The following ADGRL2 variants were observed in gnomAD, a reference collection of about 807,000 sequenced individuals.
The protein encoded by ADGRL2 is calcium-independent alpha-latrotoxin receptor 2.
ADGRL2 carries 44 observed loss-of-function variants against 157.4 expected under a neutral mutation model. That is an observed-to-expected ratio of 0.28 (90% CI 0.22 to 0.36). ADGRL2 has a LOEUF of 0.36. ADGRL2 is among the 10% of genes least tolerant of loss of function. The pLI is 1.00. For synonymous variants in ADGRL2, 585 were observed against 624.7 expected, an observed-to-expected ratio of 0.94 and a Z score of 0.95; for missense variants, 1,510 against 1,768.9, an observed-to-expected ratio of 0.85 and a Z score of 2.63.
intron 2 of ADGRL2, among the ~76,000 whole-genome samples, chr1:81,496,752 A>C (rs182225961): frequency 6.6e-6 from 1 of 152,330 alleles, no homozygotes; most frequent in Non-Finnish European, 1.5e-5. Flanking sequence ...AGAGATTAGA[A>C]ATGAGCTTAA....
At chr1:81,677,525 T>C (rs1182270607) in intron 3 of ADGRL2, among the ~76,000 whole-genome samples, 1 of 152,212 alleles carries the variant, frequency 6.6e-6, no homozygotes, top group Admixed American at 6.5e-5. Flanking sequence ...TATTTTCCCT[T>C]AGAAGCATCA....
intron 2 of ADGRL2, among the ~76,000 whole-genome samples, chr1:81,474,131 G>A (rs1261507576): frequency 1.3e-5 from 2 of 152,224 alleles, no homozygotes; most frequent in African/African-American, 4.8e-5. Flanking sequence ...CTTCGAATTG[G>A]ATATGAAATG....
intron 1 of ADGRL2, among the ~76,000 whole-genome samples, chr1:81,333,259 A>G (rs2100709146): frequency 6.6e-6 from 1 of 152,158 alleles, no homozygotes; most frequent in Middle Eastern, 3.4e-3. Flanking sequence ...CTGCTCTCCT[A>G]CTTAGAGAAA....
chr1:81,948,542 T>C (rs1008059417), intron 6 of ADGRL2, among the ~76,000 whole-genome samples: 21 of 152,194 alleles, frequency 1.4e-4, no homozygotes. Context: ...CTTTAAGACT[T>C]GATTCAGCAG....
intron 1 of ADGRL2, among the ~76,000 whole-genome samples, chr1:81,725,239 C>T (rs2084481497): frequency 1.4e-5 from 2 of 147,280 alleles, no homozygotes; most frequent in African/African-American, 2.5e-5. Context: ...AAACACTCAC[C>T]ACATAAACTT....
At chr1:81,644,740 T>A (rs895121655) in intron 3 of ADGRL2, among the ~76,000 whole-genome samples, 13 of 152,324 alleles carry the variant, frequency 8.5e-5, no homozygotes, top group African/African-American at 2.6e-4. Context: ...GTTCATCAGT[T>A]GTAACAAATG....
rs2082345413 is a variant in ADGRL2 at position 81,647,943 on chromosome 1, C to A, written c.-143+66963C>A. ...CCCTGCTTTGGGGTAAAATTGCAGC[C>A]ACTGATCTATAATTCAGCTCTGACT... On this transcript the variant is annotated intron_variant, in intron 3 of 24. Transcript: ENST00000370721. Among the ~76,000 whole-genome samples the A allele has an allele frequency of 2.0e-5, 3 of 152,138 alleles. 1 individual carries two copies. The South Asian group carries it at 6.2e-4, about 32-fold the overall frequency.
chr1:81,830,132 T>A (rs574334418), intron 1 of ADGRL2, among the ~76,000 whole-genome samples: 71 of 152,214 alleles, frequency 4.7e-4, no homozygotes, highest in Non-Finnish European at 8.8e-4. Context: ...TCTCATAAGA[T>A]TATTAATTTC....
At chr1:81,607,416 A>C (rs187689158) in intron 3 of ADGRL2, among the ~76,000 whole-genome samples, 1 of 152,298 alleles carries the variant, frequency 6.6e-6, no homozygotes, top group Admixed American at 6.5e-5. Context: ...GTGATAAAGA[A>C]AGTTACAATA....
chr1:81,308,155 C>T (rs1659483545), intron 1 of ADGRL2, among the ~76,000 whole-genome samples: 1 of 151,986 alleles, frequency 6.6e-6, no homozygotes, highest in Non-Finnish European at 1.5e-5. Flanking sequence ...TTATTTATTA[C>T]ACAGTAATTA....
intron 1 of ADGRL2, among the ~76,000 whole-genome samples, chr1:81,744,957 C>T (rs2085195833): frequency 6.6e-6 from 1 of 152,044 alleles, no homozygotes; most frequent in Admixed American, 6.6e-5. Context: ...GTTCCAAGCA[C>T]AGAAGGAAAT....
At chr1:81,342,909 T>C (rs1342152525) in intron 1 of ADGRL2, among the ~76,000 whole-genome samples, 1 of 152,032 alleles carries the variant, frequency 6.6e-6, no homozygotes, top group African/African-American at 2.4e-5. Context: ...TTTTCCAAAC[T>C]GCACTCTGTG....
At chr1:81,426,498 C>A (rs749275578) in intron 1 of ADGRL2, 6 of 399,282 alleles carry the variant, frequency 1.5e-5, no homozygotes, top group Non-Finnish European at 2.9e-5. Flanking sequence ...AGCCCAATTC[C>A]AGCTGTGACC....
chr1:81,445,596 T>G (rs1255682389), intron 2 of ADGRL2, among the ~76,000 whole-genome samples: 1 of 152,222 alleles, frequency 6.6e-6, no homozygotes, highest in Non-Finnish European at 1.5e-5. Context: ...TTTCTCTGAA[T>G]CATGATCATC....
intron 1 of ADGRL2, among the ~76,000 whole-genome samples, chr1:81,394,593 T>C (rs1311851612): frequency 6.6e-6 from 1 of 152,212 alleles, no homozygotes; most frequent in Non-Finnish European, 1.5e-5. Flanking sequence ...ATACCACATT[T>C]TCTTTATCCA....
intron 2 of ADGRL2, among the ~76,000 whole-genome samples, chr1:81,769,088 A>T (rs2086252830): frequency 6.6e-6 from 1 of 152,082 alleles, no homozygotes; most frequent in African/African-American, 2.4e-5. Flanking sequence ...ATCTCAAAAA[A>T]AAAATTGAAT....
chr1:81,566,902 GAC>G, intron 2 of ADGRL2, among the ~76,000 whole-genome samples: 1 of 151,992 alleles, frequency 6.6e-6, no homozygotes, highest in Non-Finnish European at 1.5e-5. Context: ...AGGCAATAAA[GAC>G]ATTCAATTAT....
chr1:81,654,980 T>TCA (rs1557540521), intron 3 of ADGRL2, among the ~76,000 whole-genome samples: 1 of 151,886 alleles, frequency 6.6e-6, no homozygotes, highest in Non-Finnish European at 1.5e-5. Context: ...TGAGATGGAG[T>TCA]CTCTGTCACC....
chr1:81,470,215 G>A (rs1010087595), intron 2 of ADGRL2, among the ~76,000 whole-genome samples: 1 of 152,138 alleles, frequency 6.6e-6, no homozygotes, highest in Non-Finnish European at 1.5e-5. Flanking sequence ...TAACTGTTCT[G>A]TTTTTCTTTT....
Sources: allele counts gnomAD v4.1 joint callset (sites outside exome capture counted in the v4.1 genomes callset), GRCh38; gene constraint gnomAD v4.1.1; transcripts MANE v1.5; gene names NCBI Gene and HGNC (gene_info 2026-07-23, HGNC 2026-07-21).